The following MSMO1 variants were observed in gnomAD, a reference collection of about 807,000 sequenced individuals.
The protein encoded by MSMO1 is methylsterol monooxygenase 1.
In MSMO1, 18 loss-of-function variants were observed where a neutral mutation model predicts 30.4. That is an observed-to-expected ratio of 0.59 (90% CI 0.41 to 0.88). The LOEUF (loss-of-function observed/expected upper bound fraction) is 0.88, where lower values mean the gene tolerates loss of function less well. MSMO1 is among the 40% of genes least tolerant of loss of function. The probability of loss-of-function intolerance (pLI) is 0.00; values close to 1 mark genes in which losing one functional copy is unlikely to be tolerated. For missense variants in MSMO1, 284 were observed against 340.5 expected (o/e 0.83, Z 1.31); for synonymous variants, 84 against 107.9 (o/e 0.78, Z 1.37).
chr4:165,340,799 G>A (rs2126628792), intron 5 of MSMO1, among the ~76,000 whole-genome samples: 1 of 152,194 alleles, frequency 6.6e-6, no homozygotes, highest in African/African-American at 2.4e-5. Flanking sequence ...TCTGTTGATT[G>A]GAAGACATTT....
chr4:165,329,595 A>G (rs972367977), intron 1 of MSMO1, among the ~76,000 whole-genome samples: 2 of 94,466 alleles, frequency 2.1e-5, no homozygotes, highest in East Asian at 5.4e-4. Context: ...AAAAAGGTTT[A>G]TTGGATTTGG....
chr4:165,331,414 G>A (rs1018890376), intron 1 of MSMO1, among the ~76,000 whole-genome samples: 14 of 152,186 alleles, frequency 9.2e-5, no homozygotes, highest in Non-Finnish European at 1.5e-4. Context: ...TGATGGACAA[G>A]TTCTTGAGGT....
intron 1 of MSMO1, among the ~76,000 whole-genome samples, chr4:165,331,148 T>A (rs535892219): frequency 9.4e-4 from 143 of 151,444 alleles, no homozygotes; most frequent in Admixed American, 1.5e-3. Flanking sequence ...CCACAAAAAA[T>A]TAAAAAAATT....
At position 165,338,603 on chromosome 4, in the gene MSMO1, GT is replaced by G. The variant is rs542993632; in HGVS notation, c.405-46del. On this transcript the variant is annotated intron_variant, in intron 3 of 5. Coordinates refer to ENST00000261507, the MANE Select transcript of MSMO1 (RefSeq NM_006745.5). ...GTGATCCCAACTAAAAGTCTGGATA[GT>G]TTAAGTAAAAATTATTTCTTACACA... 9.8e-6 allele frequency: 15 copies of G among 1,534,028 alleles called. No homozygotes were observed. The African/African-American group carries it at 1.6e-4, about 17-fold the overall frequency.
At chr4:165,333,711 A>G in intron 2 of MSMO1, 86 bp downstream of exon 2, 1 of 1,329,642 alleles carries the variant, frequency 7.5e-7, no homozygotes, top group Non-Finnish European at 1.0e-6. Context: ...TTGTGAGGCT[A>G]AAGCAGTGAT....
Position 165,340,563 on chromosome 4 carries a change from T to C in MSMO1, c.686+188T>C, listed in dbSNP as rs561229765. ...TTTTACATTCTAGCCTATGCTGTTA[T>C]AATTTTTATAGTGATAATGTGTTAT... On this transcript the variant is annotated intron_variant, in intron 5 of 5. Coordinates refer to ENST00000261507, the MANE Select transcript of MSMO1 (RefSeq NM_006745.5). The C allele has an allele frequency of 3.5e-5, 21 of 605,898 alleles. No homozygotes were observed. The South Asian group carries it at 4.0e-4, about 12-fold the overall frequency. The allele number at this position is 605,898 out of a possible 1,614,324, so 37.5% of individuals were successfully genotyped here.
chr4:165,341,004 T>C (rs1482035120), intron 5 of MSMO1, among the ~76,000 whole-genome samples: 1 of 152,068 alleles, frequency 6.6e-6, no homozygotes, highest in Non-Finnish European at 1.5e-5. Context: ...GCAGAGAATA[T>C]TCTTCTGTAG....
At chr4:165,332,789 G>GT (rs1747435901) in intron 1 of MSMO1, among the ~76,000 whole-genome samples, 2 of 152,184 alleles carry the variant, frequency 1.3e-5, no homozygotes, top group South Asian at 4.2e-4. Flanking sequence ...GGCATTTGTC[G>GT]TTCTTCTGTT....
At chr4:165,332,098 A>G (rs1747411006) in intron 1 of MSMO1, among the ~76,000 whole-genome samples, 1 of 152,066 alleles carries the variant, frequency 6.6e-6, no homozygotes, top group African/African-American at 2.4e-5. Flanking sequence ...GCCCTGCCAC[A>G]CAACTCTGTT....
intron 1 of MSMO1, among the ~76,000 whole-genome samples, chr4:165,332,047 T>TC (rs147916433): frequency 0.038 from 5,824 of 151,736 alleles, 346 homozygotes; most frequent in African/African-American, 0.13. Flanking sequence ...CATAACACTC[T>TC]CCCCTACCCC....
chr4:165,341,878 T>C lies in MSMO1; in HGVS notation c.814T>C (p.Phe272Leu), dbSNP rs768569630. The C allele has an allele frequency of 4.3e-6, 7 of 1,613,440 alleles. No individual in the cohort carries two copies. The highest frequency in any genetic ancestry group is 5.9e-6 in the Non-Finnish European group (7 of 1,179,610). ...AACATTTACATGGTGGGATCGAATTTTTGGAACAGACTCTCAGTATAATGC... is the reference window on the plus strand; with the variant it reads ...AACATTTACATGGTGGGATCGAATTCTTGGAACAGACTCTCAGTATAATGC... ...ASTFTWWDRI[F>L]GTDSQYNAYN... Residue 272 changes from phenylalanine to leucine, a missense_variant, in exon 6 of 6, where the codon TTT becomes CTT. Coordinates refer to ENST00000261507, the MANE Select transcript of MSMO1 (RefSeq NM_006745.5).
chr4:165,339,146 C>T (rs140349521), intron 4 of MSMO1, among the ~76,000 whole-genome samples: 8 of 105,070 alleles, frequency 7.6e-5, no homozygotes, highest in African/African-American at 2.5e-4. Flanking sequence ...CTCTTGTTGC[C>T]CAGGCTGGAC....
intron 1 of MSMO1, 97 bp from the exon 2 acceptor site, chr4:165,333,243 T>C: frequency 2.0e-6 from 2 of 1,009,500 alleles, no homozygotes; most frequent in South Asian, 1.8e-5. Context: ...CCTTTAGTAA[T>C]TATCATTTTT....
rs1747753151 is a variant in MSMO1, at chr4:165,342,833, C to T, written c.*887C>T. 1 of 151,170 alleles carries T rather than the reference C, an allele frequency of 6.6e-6. No individual in the cohort carries two copies. Among genetic ancestry groups the T allele is most frequent in the Admixed American group, 6.6e-5 (1 of 15,250 alleles). The allele number at this position is 151,170 out of a possible 1,614,324, so 9.4% of individuals were successfully genotyped here. On this transcript the variant is annotated 3_prime_UTR_variant, in exon 6 of 6. Coordinates refer to ENST00000261507, the MANE Select transcript of MSMO1 (RefSeq NM_006745.5). ...GAGCTGATTCTCTCTTTGAAGAGTC[C>T]TTCTTGATTGCAGTGCAGTACTGGC...
intron 1 of MSMO1, among the ~76,000 whole-genome samples, chr4:165,332,733 G>A (rs779545471): frequency 6.6e-6 from 1 of 152,244 alleles, no homozygotes; most frequent in South Asian, 2.1e-4. Context: ...ATTCTTCCTT[G>A]TTTAGTGACC....
intron 1 of MSMO1, 186 bp downstream of exon 1, chr4:165,327,950 C>G (rs1226276719): frequency 2.0e-5 from 3 of 152,292 alleles, no homozygotes; most frequent in Non-Finnish European, 2.9e-5. Flanking sequence ...GGCTAAGGTA[C>G]GTGCTAGAAA....
In MSMO1 at chr4:165,338,383, T is replaced by C. The variant is rs562859632; in HGVS notation, c.405-269T>C. Among the ~76,000 whole-genome samples, 4 of 151,794 alleles carry C rather than the reference T, an allele frequency of 2.6e-5. No individual in the cohort carries two copies. In the South Asian group the frequency reaches 8.3e-4, roughly 32 times the overall value. On this transcript the variant is annotated intron_variant, in intron 3 of 5. Coordinates refer to ENST00000261507, the MANE Select transcript of MSMO1 (RefSeq NM_006745.5). ...ATATACTCATGCGTCACTTAACGGA[T>C]ATCTCTTGAGAAAAGTGTCATGAGG...
intron 2 of MSMO1, among the ~76,000 whole-genome samples, chr4:165,336,910 G>A (rs1383350878): frequency 6.6e-6 from 1 of 152,204 alleles, no homozygotes; most frequent in African/African-American, 2.4e-5. Context: ...GCTAATAACT[G>A]CGTGTGTGAC....
chr4:165,332,636 G>A (rs578123145), intron 1 of MSMO1, among the ~76,000 whole-genome samples: 1 of 152,230 alleles, frequency 6.6e-6, no homozygotes, highest in South Asian at 2.1e-4. Flanking sequence ...ACCAGTACTG[G>A]ACATTAATAA....
Sources: allele counts gnomAD v4.1 joint callset (sites outside exome capture counted in the v4.1 genomes callset), GRCh38; gene constraint gnomAD v4.1.1; transcripts MANE v1.5; gene names NCBI Gene and HGNC (gene_info 2026-07-23, HGNC 2026-07-21).